FBXL17: variants seen among roughly 807,000 people sequenced by gnomAD.
FBXL17 encodes F-box and leucine rich repeat protein 17, also known as F-box/LRR-repeat protein 17.
A neutral mutation model predicts 66.2 loss-of-function variants in FBXL17; 22 were observed. The ratio of observed to expected loss-of-function variants is 0.33; its 90% CI spans 0.24 to 0.47. The LOEUF (loss-of-function observed/expected upper bound fraction) is 0.47. Ranked by LOEUF, FBXL17 falls within the 20% of genes least tolerant of loss-of-function variation. The probability of loss-of-function intolerance (pLI) is 1.00; values close to 1 mark genes in which losing one functional copy is unlikely to be tolerated. For missense variants in FBXL17, 878 were observed against 948.2 expected, an observed-to-expected ratio of 0.93 and a Z score of 0.97; for synonymous variants, 474 against 400.5, an observed-to-expected ratio of 1.18 and a Z score of -2.19.
At chr5:108,053,358 A>C (rs1035996467) in intron 6 of FBXL17, among the ~76,000 whole-genome samples, 1 of 152,198 alleles carries the variant, frequency 6.6e-6, no homozygotes, top group East Asian at 1.9e-4. Flanking sequence ...AAGAAAAAAA[A>C]CAACCCTATC....
At chr5:108,332,905 G>C (rs1383944730) in intron 4 of FBXL17, among the ~76,000 whole-genome samples, 1 of 116,796 alleles carries the variant, frequency 8.6e-6, no homozygotes, top group Non-Finnish European at 1.7e-5. Flanking sequence ...AAGTGGCCAG[G>C]GCAAACATGT....
At chr5:108,077,143 CT>C (rs1748584515) in intron 6 of FBXL17, among the ~76,000 whole-genome samples, 1 of 152,216 alleles carries the variant, frequency 6.6e-6, no homozygotes, top group African/African-American at 2.4e-5. Context: ...CTTGGCTTGA[CT>C]TCCTAGCCTC....
chr5:107,874,217 T>TA lies in FBXL17; in HGVS notation c.1965+6819dup, dbSNP rs1748544493. ...CTAACATTTTCAAGAATTGCTGCCT[T>TA]AGTCTCAGGAGGCTAGTTTTTCTAT... On this transcript the variant is annotated intron_variant, in intron 8 of 8. Coordinates refer to ENST00000542267, the MANE Select transcript of FBXL17 (RefSeq NM_001163315.3). 2.6e-5 allele frequency among the ~76,000 whole-genome samples: 4 copies of TA among 152,280 alleles called. No homozygotes were observed. In the South Asian group the frequency reaches 8.3e-4, roughly 32 times the overall value.
intron 5 of FBXL17, among the ~76,000 whole-genome samples, chr5:108,187,172 T>C (rs1426112855): frequency 1.3e-5 from 2 of 152,242 alleles, no homozygotes; most frequent in African/African-American, 4.8e-5. Context: ...CTTCCGCTGA[T>C]GTTTAGCCTC....
chr5:107,947,401 T>A (rs909899312), intron 7 of FBXL17, among the ~76,000 whole-genome samples: 5 of 152,236 alleles, frequency 3.3e-5, no homozygotes, highest in African/African-American at 7.2e-5. Context: ...CCAGGCCACT[T>A]GGCAACTTTG....
intron 7 of FBXL17, among the ~76,000 whole-genome samples, chr5:107,915,667 A>G (rs750537695): frequency 1.2e-4 from 19 of 152,208 alleles, no homozygotes; most frequent in Non-Finnish European, 2.5e-4. Context: ...TTTTGCATGT[A>G]GAAGTAAAAG....
At chr5:108,217,347 A>G (rs979531049) in intron 5 of FBXL17, among the ~76,000 whole-genome samples, 2 of 152,170 alleles carry the variant, frequency 1.3e-5, no homozygotes, top group East Asian at 3.9e-4. Flanking sequence ...GTTTGTTTCG[A>G]TATTATATTG....
At chr5:108,163,568 T>C (rs1406978910) in intron 6 of FBXL17, among the ~76,000 whole-genome samples, 1 of 152,008 alleles carries the variant, frequency 6.6e-6, no homozygotes, top group East Asian at 1.9e-4. Flanking sequence ...GTCTGGCTAA[T>C]TTTTTTGTGT....
At chr5:108,287,211 G>A (rs1021047090) in intron 4 of FBXL17, among the ~76,000 whole-genome samples, 1 of 151,828 alleles carries the variant, frequency 6.6e-6, no homozygotes, top group African/African-American at 2.4e-5. Flanking sequence ...CATAGGACCT[G>A]GCAAAGATTT....
At chr5:108,280,956 C>T (rs1054666466) in intron 4 of FBXL17, among the ~76,000 whole-genome samples, 9 of 151,618 alleles carry the variant, frequency 5.9e-5, no homozygotes, top group Non-Finnish European at 1.3e-4. Flanking sequence ...GGAATCAATT[C>T]AGTGCAAGGA....
At chr5:108,078,980 C>T (rs1748656978) in intron 6 of FBXL17, among the ~76,000 whole-genome samples, 1 of 152,098 alleles carries the variant, frequency 6.6e-6, no homozygotes, top group Non-Finnish European at 1.5e-5. Flanking sequence ...AATCAGCTCA[C>T]TACAGCCTTA....
At chr5:108,296,830 A>G (rs890584529) in intron 4 of FBXL17, among the ~76,000 whole-genome samples, 1 of 151,632 alleles carries the variant, frequency 6.6e-6, no homozygotes. Flanking sequence ...ATTTCAAACA[A>G]AATAACACAT....
chr5:107,969,472 C>A (rs1418664769), intron 7 of FBXL17, among the ~76,000 whole-genome samples: 2 of 152,072 alleles, frequency 1.3e-5, no homozygotes, highest in Non-Finnish European at 2.9e-5. Context: ...AGATATCTTT[C>A]TTCATATTTC....
chr5:108,316,300 T>C (rs1265797411), intron 4 of FBXL17, among the ~76,000 whole-genome samples: 1 of 151,454 alleles, frequency 6.6e-6, no homozygotes, highest in Non-Finnish European at 1.5e-5. Context: ...ATGGAAGAAT[T>C]CAATGTGAAC....
At chr5:107,944,606 T>C (rs1424549980) in intron 7 of FBXL17, among the ~76,000 whole-genome samples, 3 of 152,198 alleles carry the variant, frequency 2.0e-5, no homozygotes, top group South Asian at 2.1e-4. Flanking sequence ...TTTGAAAAGA[T>C]AATTTTAGAA....
At chr5:108,081,424 A>G (rs1179413828) in intron 6 of FBXL17, among the ~76,000 whole-genome samples, 1 of 152,106 alleles carries the variant, frequency 6.6e-6, no homozygotes, top group African/African-American at 2.4e-5. Flanking sequence ...TGCTTCTTCT[A>G]AGATAAGAGC....
intron 6 of FBXL17, among the ~76,000 whole-genome samples, chr5:108,165,703 A>G (rs138130399): frequency 1.3e-5 from 2 of 152,286 alleles, no homozygotes; most frequent in African/African-American, 4.8e-5. Flanking sequence ...TAGGTGTTAG[A>G]TGGGTTGTCC....
chr5:107,884,917 A>G (rs374046232), intron 7 of FBXL17, among the ~76,000 whole-genome samples: 18 of 152,320 alleles, frequency 1.2e-4, no homozygotes, highest in African/African-American at 4.1e-4. Context: ...CTATAAAATG[A>G]AAAGACTTGA....
intron 8 of FBXL17, among the ~76,000 whole-genome samples, chr5:107,871,666 T>C (rs1748458298): frequency 1.3e-5 from 2 of 151,374 alleles, no homozygotes; most frequent in African/African-American, 4.9e-5. Flanking sequence ...AGAACATACA[T>C]ATGTGGGACA....
Sources: gnomAD v4.1 joint callset for allele counts (sites outside exome capture counted in the v4.1 genomes callset) on GRCh38, gnomAD v4.1.1 for gene constraint, MANE v1.5 for transcripts, NCBI Gene and HGNC (gene_info 2026-07-23, HGNC 2026-07-21) for gene names.